ITGA10: variants seen among roughly 807,000 people sequenced by gnomAD.
ITGA10 encodes the protein integrin alpha-10.
ITGA10 carries 105 observed loss-of-function variants against 145.2 expected under a neutral mutation model. That is an observed-to-expected ratio of 0.72 (90% confidence interval 0.62 to 0.85). ITGA10 has a LOEUF of 0.85. ITGA10 is among the 40% of genes least tolerant of loss of function. The pLI is 0.00. For synonymous variants in ITGA10, 506 were observed against 557.8 expected (o/e 0.91, Z 1.31); for missense variants, 1,317 against 1,444.5 (o/e 0.91, Z 1.43).
chr1:145,897,251 G>A lies in ITGA10; in HGVS notation c.2663C>T (p.Ala888Val). 1 of 1,613,836 alleles carries A rather than the reference G, an allele frequency of 6.2e-7. No homozygotes were observed. The highest frequency in any genetic ancestry group is 2.2e-5 in the East Asian group (1 of 44,866). ...TCATCCTAGACCCCAACCCACCTTG[G>A]CTCCAGTCTGGAAGACAGGATGCCC... ...SVGHPVFQTGAKVTFLLEFEF... is the reference protein window; with the variant it reads ...SVGHPVFQTGVKVTFLLEFEF... Residue 888 changes from alanine (A) to valine (V), a missense_variant, in exon 21 of 30, where the codon GCC (alanine) becomes GTC (valine). Coordinates refer to ENST00000369304, the MANE Select transcript of ITGA10 (RefSeq NM_003637.5).
At chr1:145,897,392 C>T in intron 20 of ITGA10, 53 bp from the exon 21 acceptor site, 9 of 1,598,256 alleles carry the variant, frequency 5.6e-6, no homozygotes, top group Non-Finnish European at 7.7e-6. Flanking sequence ...CAACTGCTGT[C>T]CTACCCACAG....
chr1:145,901,707 G>A lies in ITGA10; in HGVS notation c.1295-43C>T, dbSNP rs782778266. The A allele has an allele frequency of 2.0e-6, 3 of 1,537,590 alleles. No individual in the cohort carries two copies. Among genetic ancestry groups the A allele is most frequent in the Non-Finnish European group, 1.7e-6 (2 of 1,144,214 alleles). On this transcript the variant is annotated intron_variant, in intron 11 of 29. Coordinates refer to ENST00000369304, the MANE Select transcript of ITGA10 (RefSeq NM_003637.5). The surrounding 1 kb of genome is among the most constrained non-coding windows in gnomAD (Gnocchi z 4.3). ...AACAGAGGTAAAGGAAAAGAAGATG[G>A]GGTCCAGAGTAGGGGGGTTCCCTAA... is the stretch of plus-strand genomic sequence containing the variant.
chr1:145,896,427 G>C, intron 23 of ITGA10, 75 bp from the exon 24 acceptor site: 1 of 1,152,412 alleles, frequency 8.7e-7, no homozygotes, highest in Non-Finnish European at 1.3e-6. Flanking sequence ...TCAGCACACA[G>C]ACGTGGATTC....
chr1:145,898,118 G>C lies in ITGA10; in HGVS notation c.2338C>G (p.Gln780Glu), dbSNP rs782488949. ...GGCATGGCACTGCTGACCAGCTTTT[G>C]TATAGAGGTGGGTGAGCCCTCATTC... Reference protein sequence around the residue: ...VLNEGSPTSIQKLVPFSKDCG... With the variant: ...VLNEGSPTSIEKLVPFSKDCG... Residue 780 changes from glutamine to glutamate, a missense_variant, in exon 18 of 30, where the codon CAA becomes GAA. By Grantham distance (29) the Gln-to-Glu change is conservative. Transcript: ENST00000369304. 5.6e-6 allele frequency: 9 copies of C among 1,612,176 alleles called. No individual in the cohort carries two copies. The highest frequency in any genetic ancestry group is 7.6e-6 in the Non-Finnish European group (9 of 1,178,250).
rs1401650881 is a variant in ITGA10, at chr1:145,907,032, T to A, written c.274+9A>T. The A allele has an allele frequency of 6.6e-6, 10 of 1,512,296 alleles. No homozygotes were observed. The highest frequency in any genetic ancestry group is 8.1e-6 in the Non-Finnish European group (9 of 1,114,260). The allele number at this position is 1,512,296 out of a possible 1,614,324, so 93.7% of individuals were successfully genotyped here. A position where few individuals can be genotyped will look rare whatever the true frequency, so the allele number is the denominator to read the frequency against. The stretch of plus-strand genomic sequence containing the variant: ...GGGTTAGGAGGAGAAGGGTCAGGCA[T>A]CTTCTCACCTAAGTGGCCCTTGGCA... On this transcript the variant is annotated intron_variant, in intron 3 of 29. Transcript: ENST00000369304.
chr1:145,893,741 G>T, intron 27 of ITGA10, 106 bp from the exon 28 acceptor site: 1 of 785,452 alleles, frequency 1.3e-6, no homozygotes, highest in East Asian at 2.6e-5. Context: ...ATAATGTTGA[G>T]GGCTCTCAAG....
rs1656102058 is a variant in ITGA10, at chr1:145,900,335, T to A, written c.1792-148A>T. ...CAGGCTGGAGTGCAATGGTGTGATC[T>A]TGGCTCACTGCAACCTCCGCCTCCC... On this transcript the variant is annotated intron_variant, in intron 14 of 29. Coordinates refer to ENST00000369304, the MANE Select transcript of ITGA10 (RefSeq NM_003637.5). 6.8e-6 allele frequency: 6 copies of A among 876,568 alleles called. No homozygotes were observed. In the Admixed American group the frequency reaches 1.3e-4, roughly 18 times the overall value. 54.3% of individuals were successfully genotyped at this position (876,568 alleles called of 1,614,324 possible).
At chr1:145,896,468 A>T in intron 23 of ITGA10, 116 bp from the exon 24 acceptor site, 1 of 798,536 alleles carries the variant, frequency 1.3e-6, no homozygotes, top group South Asian at 1.4e-5. Context: ...ATGGATAAAG[A>T]GGTGGGGGTA....
rs1553744880 is a variant in ITGA10 at position 145,895,993 on chromosome 1, A to G, written c.3023T>C (p.Ile1008Thr). The change falls in exon 25 of 30, where the codon ATC becomes ACC. Residue 1008 changes from isoleucine (I) to threonine (T), a missense_variant. Coordinates refer to ENST00000369304, the MANE Select transcript of ITGA10 (RefSeq NM_003637.5). ...CTAGACCAGACTCACATTGTTAGTGATGACTTGAGACAGTGATAGGAAGTA... is the reference window on the plus strand; with the variant it reads ...CTAGACCAGACTCACATTGTTAGTGGTGACTTGAGACAGTGATAGGAAGTA... ...GNYFLSLSQV[I>T]TNNASCIVQN... 6.2e-7 allele frequency: 1 copy of G among 1,612,698 alleles called. No homozygotes were observed. Among genetic ancestry groups the G allele is most frequent in the South Asian group, 1.1e-5 (1 of 91,050 alleles).
chr1:145,904,886 C>T, intron 5 of ITGA10, 75 bp from the exon 6 acceptor site: 2 of 1,501,400 alleles, frequency 1.3e-6, no homozygotes, highest in East Asian at 2.3e-5. Flanking sequence ...CAGGAGGACA[C>T]ATTCAATTTA....
chr1:145,893,515 T>G (rs781818912), intron 28 of ITGA10, 25 bp downstream of exon 28: 2 of 1,568,790 alleles, frequency 1.3e-6, no homozygotes, highest in African/African-American at 2.7e-5. Flanking sequence ...TTTTCACAGC[T>G]CTCAGACTCG....
intron 7 of ITGA10, 63 bp from the exon 8 acceptor site, chr1:145,903,024 TACACACACACACACACACACACACAC>T (rs55794832): frequency 1.2e-4 from 45 of 379,290 alleles, no homozygotes; most frequent in Non-Finnish European, 2.0e-4. Context: ...CACACACACA[TACACACACACACACACACACACACAC>T]ACACACACAC....
chr1:145,909,430 A>AT (rs1657552972), intron 1 of ITGA10, among the ~76,000 whole-genome samples: 25 of 143,358 alleles, frequency 1.7e-4, no homozygotes, highest in African/African-American at 5.7e-4. Flanking sequence ...AATAATTATT[A>AT]TATACAATAT....
At position 145,900,166 on chromosome 1, in the gene ITGA10, G is replaced by T. The variant is rs1453118637; in HGVS notation, c.1813C>A (p.Pro605Thr). 6.2e-7 allele frequency: 1 copy of T among 1,613,382 alleles called. No homozygotes were observed. The highest frequency in any genetic ancestry group is 8.5e-7 in the Non-Finnish European group (1 of 1,179,662). Reference sequence around the variant, plus strand: ...CGGCCAAAGTAGCTGAGGGCATGTGGCATGGAGGCAGCAGCAATCCTCTGA... The same window carrying T: ...CGGCCAAAGTAGCTGAGGGCATGTGTCATGGAGGCAGCAGCAATCCTCTGA... ...PAQRIAAASM[P>T]HALSYFGRSV... Residue 605 changes from proline to threonine, a missense_variant, in exon 15 of 30, where the codon CCA (proline) becomes ACA (threonine). By Grantham distance (38) the Pro-to-Thr change is conservative. Transcript: ENST00000369304.
Position 145,897,021 on chromosome 1 carries a change from T to C in ITGA10, c.2734A>G (p.Thr912Ala). 1 of 1,613,956 alleles carries C rather than the reference T, an allele frequency of 6.2e-7. No individual in the cohort carries two copies. Among genetic ancestry groups the C allele is most frequent in the Non-Finnish European group, 8.5e-7 (1 of 1,179,868 alleles). The change falls in exon 22 of 30, where the codon ACT becomes GCT. Residue 912 changes from threonine (T) to alanine (A), a missense_variant. Physicochemically the swap from Thr to Ala is moderately conservative, Grantham distance 58. Transcript: ENST00000369304. ...TCCCTTCATTCTCACCTGCTGGCAG[T>C]CAGCTTCACGAAGACCTGGCTCAGG... ...SLLSQVFVKL[T>A]ASSDSLERNG...
chr1:145,904,213 C>G lies in ITGA10; in HGVS notation c.610-13G>C, dbSNP rs188008364. ...GTACCAGTCCCACCTGGGAATAAAG[C>G]GCATTCAAATGAAATGTATGTATGT... On this transcript the variant is annotated splice_polypyrimidine_tract_variant and intron_variant, in intron 6 of 29. Transcript: ENST00000369304. 6.2e-7 allele frequency: 1 copy of G among 1,613,580 alleles called. No homozygotes were observed. The highest frequency in any genetic ancestry group is 1.3e-5 in the African/African-American group (1 of 74,880).
At chr1:145,895,929 T>G in intron 25 of ITGA10, 54 bp downstream of exon 25, 1 of 1,380,584 alleles carries the variant, frequency 7.2e-7, no homozygotes, top group Non-Finnish European at 1.0e-6. Flanking sequence ...CCAGCTTCAG[T>G]GAGTCCACCA....
Position 145,900,173 on chromosome 1 carries a change from G to C in ITGA10, c.1806C>G (p.Ala602=), listed in dbSNP as rs1553747519. The C allele has an allele frequency of 1.2e-6, 2 of 1,613,070 alleles. No individual in the cohort carries two copies. Among genetic ancestry groups the C allele is most frequent in the Non-Finnish European group, 1.7e-6 (2 of 1,179,518 alleles). ...AGTAGCTGAGGGCATGTGGCATGGAGGCAGCAGCAATCCTCTGAGAGGAAG... is the reference window on the plus strand; with the variant it reads ...AGTAGCTGAGGGCATGTGGCATGGACGCAGCAGCAATCCTCTGAGAGGAAG... The part of the protein sequence containing the change: ...RPHPAQRIAA[A]SMPHALSYFG... Residue 602 remains alanine, a synonymous_variant, in exon 15 of 30, where the codon GCC becomes GCG. Transcript: ENST00000369304.
chr1:145,898,075 G>T, intron 18 of ITGA10, 35 bp downstream of exon 18: 1 of 1,494,428 alleles, frequency 6.7e-7, no homozygotes, highest in Non-Finnish European at 9.3e-7. Context: ...GGAGGGCAGT[G>T]TTGGGAGCAA....
Sources: allele counts gnomAD v4.1 joint callset (sites outside exome capture counted in the v4.1 genomes callset), GRCh38; gene constraint gnomAD v4.1.1; non-coding constraint Gnocchi (gnomAD v3.1); transcripts MANE v1.5; gene names NCBI Gene and HGNC (gene_info 2026-07-23, HGNC 2026-07-21).